GMPR: variants seen among roughly 807,000 people sequenced by gnomAD.
GMPR encodes the protein guanosine monophosphate reductase.
A neutral mutation model predicts 38.4 loss-of-function variants in GMPR; 31 were observed. That is an observed-to-expected ratio of 0.81 (90% CI 0.61 to 1.09). The LOEUF (loss-of-function observed/expected upper bound fraction) is 1.09, where lower values mean the gene tolerates loss of function less well. GMPR is among the 50% of genes least tolerant of loss of function. The pLI is 0.00. For synonymous variants in GMPR, 162 were observed against 173.3 expected, an observed-to-expected ratio of 0.93 and a Z score of 0.51; for missense variants, 468 against 453.7, an observed-to-expected ratio of 1.03 and a Z score of -0.29.
intron 4 of GMPR, among the ~76,000 whole-genome samples, chr6:16,266,568 C>T (rs190579218): frequency 4.0e-5 from 6 of 151,072 alleles, no homozygotes; most frequent in African/African-American, 1.2e-4. Flanking sequence ...TTTGGGAGGC[C>T]GAGATGGGTG....
At chr6:16,292,178 C>G (rs1759851731) in intron 8 of GMPR, among the ~76,000 whole-genome samples, 1 of 152,112 alleles carries the variant, frequency 6.6e-6, no homozygotes, top group African/African-American at 2.4e-5. Context: ...CCCTTTATTT[C>G]CTACCACTCA....
At chr6:16,290,180 C>A in intron 7 of GMPR, 1 of 322,614 alleles carries the variant, frequency 3.1e-6, no homozygotes, top group Admixed American at 4.0e-5. Flanking sequence ...GGAAGGTGGT[C>A]GTAGTTAGCC....
At chr6:16,278,917 G>C in intron 6 of GMPR, 27 bp downstream of exon 6, 2 of 1,432,688 alleles carry the variant, frequency 1.4e-6, no homozygotes, top group Non-Finnish European at 2.0e-6. Flanking sequence ...GGCTGAGGCT[G>C]GGGTGTCTTG....
At chr6:16,267,627 C>T (rs1317017742) in intron 4 of GMPR, among the ~76,000 whole-genome samples, 1 of 152,136 alleles carries the variant, frequency 6.6e-6, no homozygotes. Context: ...AGAATTGTAA[C>T]ACTCACCGCA....
intron 3 of GMPR, among the ~76,000 whole-genome samples, chr6:16,252,748 GAT>G (rs1420638655): frequency 6.6e-6 from 1 of 151,710 alleles, no homozygotes; most frequent in Non-Finnish European, 1.5e-5. Context: ...AATGAAGTAA[GAT>G]AAAAAAAGCA....
chr6:16,280,907 T>G (rs1759560249), intron 6 of GMPR, among the ~76,000 whole-genome samples: 1 of 152,222 alleles, frequency 6.6e-6, no homozygotes, highest in South Asian at 2.1e-4. Flanking sequence ...TAATAAAGTT[T>G]TACTCTGAAC....
Position 16,246,888 on chromosome 6 carries a change from A to G in GMPR, c.134A>G (p.Tyr45Cys). The G allele has an allele frequency of 6.2e-7, 1 of 1,613,532 alleles. No homozygotes were observed. Among genetic ancestry groups the G allele is most frequent in the Non-Finnish European group, 8.5e-7 (1 of 1,179,524 alleles). The change falls in exon 2 of 9, where the codon TAC becomes TGC. Residue 45 changes from tyrosine to cysteine, a missense_variant. Coordinates refer to ENST00000259727, the MANE Select transcript of GMPR (RefSeq NM_006877.4). The part of the protein sequence containing the change: ...TFTFRNSKQT[Y>C]SGIPIIVANM... ...ACGTTTCGAAATTCAAAGCAGACCT[A>G]CTCAGGGATTCCCATCATCGTGGCC...
chr6:16,268,084 A>G (rs1016098021), intron 4 of GMPR, among the ~76,000 whole-genome samples: 2 of 152,156 alleles, frequency 1.3e-5, no homozygotes, highest in Non-Finnish European at 2.9e-5. Context: ...CCCCTGAGGT[A>G]CAAGGGGTGT....
At chr6:16,266,952 C>G (rs1343853168) in intron 4 of GMPR, among the ~76,000 whole-genome samples, 1 of 151,868 alleles carries the variant, frequency 6.6e-6, no homozygotes, top group East Asian at 2.0e-4. Context: ...GGCTTCACTC[C>G]TGAAGTCGGC....
At chr6:16,293,037 T>TC (rs1264526705) in intron 8 of GMPR, among the ~76,000 whole-genome samples, 1 of 152,034 alleles carries the variant, frequency 6.6e-6, no homozygotes. Flanking sequence ...TCTCTCTCTC[T>TC]CTTAGTTTTC....
Position 16,255,165 on chromosome 6 carries a change from C to T in GMPR, c.465+430C>T, listed in dbSNP as rs533162480. 9.3e-4 allele frequency among the ~76,000 whole-genome samples: 142 copies of T among 152,042 alleles called. 2 individuals are homozygous for T. Among genetic ancestry groups the T allele is most frequent in the Non-Finnish European group, 2.1e-4 (14 of 67,984 alleles). On this transcript the variant is annotated intron_variant, in intron 4 of 8. Coordinates refer to ENST00000259727, the MANE Select transcript of GMPR (RefSeq NM_006877.4). ...TAGCTGGGATTACAGGCGCCCATCA[C>T]CATGCCTGGCTAATTTTTTGTATTT...
chr6:16,266,078 A>C (rs969070419), intron 4 of GMPR, among the ~76,000 whole-genome samples: 4 of 151,330 alleles, frequency 2.6e-5, no homozygotes, highest in Admixed American at 2.6e-4. Context: ...ACAACTCCCG[A>C]CGGGCTACCT....
At chr6:16,286,569 G>T (rs1759684732) in intron 7 of GMPR, among the ~76,000 whole-genome samples, 1 of 152,078 alleles carries the variant, frequency 6.6e-6, no homozygotes, top group Non-Finnish European at 1.5e-5. Context: ...ATGGTGGCAG[G>T]AAACTTTATG....
At chr6:16,260,684 A>T (rs1200654873) in intron 4 of GMPR, among the ~76,000 whole-genome samples, 1 of 152,028 alleles carries the variant, frequency 6.6e-6, no homozygotes, top group Non-Finnish European at 1.5e-5. Flanking sequence ...AGTGGCTTGT[A>T]CTATAGCATA....
intron 2 of GMPR, among the ~76,000 whole-genome samples, chr6:16,248,051 G>A (rs1038192209): frequency 2.0e-4 from 30 of 151,796 alleles, no homozygotes; most frequent in African/African-American, 6.8e-4. Context: ...GCAACATGGC[G>A]AAGCATCATT....
chr6:16,268,655 C>T (rs1759318194), intron 4 of GMPR, among the ~76,000 whole-genome samples: 2 of 152,182 alleles, frequency 1.3e-5, no homozygotes, highest in African/African-American at 4.8e-5. Context: ...GCCTGTTTGC[C>T]AACCCTTGCC....
intron 8 of GMPR, 90 bp downstream of exon 8, chr6:16,290,711 G>C (rs1759825739): frequency 2.7e-6 from 3 of 1,099,752 alleles, no homozygotes; most frequent in Non-Finnish European, 4.1e-6. Flanking sequence ...TAGCAGCTCT[G>C]TGTATATTAA....
intron 7 of GMPR, among the ~76,000 whole-genome samples, chr6:16,289,067 G>T (rs946067007): frequency 6.6e-6 from 1 of 152,158 alleles, no homozygotes; most frequent in Non-Finnish European, 1.5e-5. Flanking sequence ...TTCTTTGGGA[G>T]GGTGATTTGT....
chr6:16,268,670 A>C (rs1174805081), intron 4 of GMPR, among the ~76,000 whole-genome samples: 1 of 152,158 alleles, frequency 6.6e-6, no homozygotes, highest in Non-Finnish European at 1.5e-5. Context: ...CTTGCCTTTT[A>C]TCATCCTATG....
Sources: allele counts gnomAD v4.1 joint callset (sites outside exome capture counted in the v4.1 genomes callset), GRCh38; gene constraint gnomAD v4.1.1; transcripts MANE v1.5; gene names NCBI Gene and HGNC (gene_info 2026-07-23, HGNC 2026-07-21).